The following VMP1 variants were observed in gnomAD, a reference collection of about 807,000 sequenced individuals.
VMP1 encodes the protein vacuole membrane protein 1, also known as ectopic P-granules autophagy protein 3 homolog.
VMP1 carries 11 observed loss-of-function variants against 56.0 expected under a neutral mutation model. That is an observed-to-expected ratio of 0.20 (90% CI 0.12 to 0.32). VMP1 has a LOEUF of 0.32. Among genes scored for constraint, VMP1 ranks in the 10% least tolerant of loss-of-function variants. The probability of loss-of-function intolerance (pLI) is 1.00; values close to 1 mark genes in which losing one functional copy is unlikely to be tolerated. For synonymous variants in VMP1, 149 were observed against 165.0 expected (o/e 0.90, Z 0.74); for missense variants, 296 against 490.3 (o/e 0.60, Z 3.74).
At chr17:59,776,153 AGT>A (rs1363179113) in intron 7 of VMP1, among the ~76,000 whole-genome samples, 1 of 152,300 alleles carries the variant, frequency 6.6e-6, no homozygotes, top group Non-Finnish European at 1.5e-5. Flanking sequence ...TGGAGGCTGC[AGT>A]GAGCTGCATT....
intron 7 of VMP1, among the ~76,000 whole-genome samples, chr17:59,806,729 A>AT (rs1362210599): frequency 6.6e-6 from 1 of 151,778 alleles, no homozygotes; most frequent in Non-Finnish European, 1.5e-5. Flanking sequence ...AAAAAAAAAA[A>AT]AAATTAAATC....
chr17:59,837,393 T>C (rs1275910676), intron 10 of VMP1, among the ~76,000 whole-genome samples: 1 of 152,176 alleles, frequency 6.6e-6, no homozygotes, highest in Non-Finnish European at 1.5e-5. Context: ...GTTTGATTTT[T>C]CTAAGTTGCC....
intron 5 of VMP1, among the ~76,000 whole-genome samples, chr17:59,763,213 A>G (rs1284061252): frequency 6.6e-6 from 1 of 152,010 alleles, no homozygotes; most frequent in Non-Finnish European, 1.5e-5. Context: ...TTCACAAACT[A>G]TGCAGTTATT....
At chr17:59,735,597 C>A in intron 3 of VMP1, 124 bp downstream of exon 3, 1 of 1,006,300 alleles carries the variant, frequency 9.9e-7, no homozygotes, top group Non-Finnish European at 1.4e-6. Context: ...TAGAATATTA[C>A]CATAGGAACA....
intron 7 of VMP1, among the ~76,000 whole-genome samples, chr17:59,777,310 A>C (rs2036651072): frequency 6.6e-6 from 1 of 152,192 alleles, no homozygotes; most frequent in South Asian, 2.1e-4. Context: ...TTCTTCATTC[A>C]CAATTAATTA....
At chr17:59,773,655 C>T in intron 6 of VMP1, 99 bp from the exon 7 acceptor site, 1 of 1,219,812 alleles carries the variant, frequency 8.2e-7, no homozygotes, top group Non-Finnish European at 1.1e-6. Context: ...TATTGCATCT[C>T]AAAATGCTTC....
At chr17:59,724,377 A>T (rs1195661549) in intron 1 of VMP1, among the ~76,000 whole-genome samples, 1 of 152,016 alleles carries the variant, frequency 6.6e-6, no homozygotes, top group Admixed American at 6.5e-5. Flanking sequence ...TTTAGGTTTG[A>T]GCTTTGGCAT....
chr17:59,752,793 G>A (rs1254659163), intron 5 of VMP1, among the ~76,000 whole-genome samples: 1 of 152,120 alleles, frequency 6.6e-6, no homozygotes, highest in African/African-American at 2.4e-5. Context: ...TACCACTGTT[G>A]TAAAATTACA....
At chr17:59,807,055 T>C (rs904666287) in intron 7 of VMP1, among the ~76,000 whole-genome samples, 2 of 152,186 alleles carry the variant, frequency 1.3e-5, no homozygotes, top group African/African-American at 4.8e-5. Context: ...CACAATATTA[T>C]TTGTCAAAAT....
chr17:59,767,886 G>A (rs1239878480), intron 6 of VMP1, among the ~76,000 whole-genome samples: 8 of 152,080 alleles, frequency 5.3e-5, no homozygotes, highest in Admixed American at 6.6e-5. Context: ...AGCACTATGG[G>A]AGGCCGAGGT....
At chr17:59,752,109 G>A (rs568208994) in intron 5 of VMP1, among the ~76,000 whole-genome samples, 33 of 152,254 alleles carry the variant, frequency 2.2e-4, no homozygotes, top group African/African-American at 7.7e-4. Flanking sequence ...CACTGTATCC[G>A]GCCTCACTTT....
intron 8 of VMP1, among the ~76,000 whole-genome samples, chr17:59,810,731 T>C (rs894349338): frequency 6.6e-6 from 1 of 152,212 alleles, no homozygotes; most frequent in Non-Finnish European, 1.5e-5. Flanking sequence ...TCATGTCTTT[T>C]TTAAAGATCA....
At position 59,715,060 on chromosome 17, in the gene VMP1, A is replaced by G. The variant is rs79050171; in HGVS notation, c.-27+7312A>G. ...TATCACACTGTCATGATTACTGTAG[A>G]TTTATAGTAATTGTTGACATCAGTT... On this transcript the variant is annotated intron_variant, in intron 1 of 11. Coordinates refer to ENST00000262291, the MANE Select transcript of VMP1 (RefSeq NM_030938.5). Among the ~76,000 whole-genome samples, 293 of 152,302 alleles carry G rather than the reference A, an allele frequency of 1.9e-3. 1 individual carries two copies. The highest frequency in any genetic ancestry group is 6.7e-3 in the African/African-American group (277 of 41,554).
At chr17:59,826,183 C>T (rs765538149) in intron 10 of VMP1, among the ~76,000 whole-genome samples, 1 of 152,136 alleles carries the variant, frequency 6.6e-6, no homozygotes, top group Non-Finnish European at 1.5e-5. Flanking sequence ...TCTTCTTGTC[C>T]GTGGTAGTTT....
chr17:59,724,113 G>A (rs1006592677), intron 1 of VMP1, among the ~76,000 whole-genome samples: 1 of 151,528 alleles, frequency 6.6e-6, no homozygotes, highest in African/African-American at 2.4e-5. Flanking sequence ...TCGGGAGGCT[G>A]AAGTGGGAGG....
chr17:59,744,065 CT>C (rs895465604), intron 5 of VMP1, among the ~76,000 whole-genome samples: 9 of 150,548 alleles, frequency 6.0e-5, no homozygotes, highest in African/African-American at 2.2e-4. Flanking sequence ...GGAAGTACCC[CT>C]CTGTGCCAAA....
At chr17:59,729,398 A>G (rs2034731844) in intron 1 of VMP1, among the ~76,000 whole-genome samples, 2 of 150,204 alleles carry the variant, frequency 1.3e-5, no homozygotes, top group South Asian at 4.2e-4. Context: ...CAGGAGAACC[A>G]CTTGAACTCG....
intron 10 of VMP1, among the ~76,000 whole-genome samples, chr17:59,821,609 G>A (rs906584488): frequency 4.9e-5 from 7 of 143,530 alleles, no homozygotes; most frequent in Admixed American, 2.9e-4. Context: ...GCAATGGTGC[G>A]ATCTCAGATC....
chr17:59,727,198 G>C (rs1406010653), intron 1 of VMP1, among the ~76,000 whole-genome samples: 1 of 151,704 alleles, frequency 6.6e-6, no homozygotes, highest in African/African-American at 2.4e-5. Flanking sequence ...GCAGTGGCGC[G>C]ATCTCCGCTT....
Sources: allele counts gnomAD v4.1 joint callset (sites outside exome capture counted in the v4.1 genomes callset), GRCh38; gene constraint gnomAD v4.1.1; transcripts MANE v1.5; gene names NCBI Gene and HGNC (gene_info 2026-07-23, HGNC 2026-07-21).